Variants in FNDC1 observed in about 807,000 individuals in gnomAD.
The protein encoded by FNDC1 is fibronectin type III domain-containing protein 1.
A neutral mutation model predicts 168.0 loss-of-function variants in FNDC1; 96 were observed. The observed-to-expected ratio is 0.57, with a 90% CI of 0.48 to 0.68. FNDC1 has a LOEUF of 0.68. Among genes scored for constraint, FNDC1 ranks in the 30% least tolerant of loss-of-function variants. The pLI is 0.00. For synonymous variants in FNDC1, 1,099 were observed against 1,025.9 expected, an observed-to-expected ratio of 1.07 and a Z score of -1.36; for missense variants, 2,587 against 2,482.1, an observed-to-expected ratio of 1.04 and a Z score of -0.90.
At chr6:159,248,382 G>C (rs1201030047) in intron 15 of FNDC1, among the ~76,000 whole-genome samples, 2 of 151,526 alleles carry the variant, frequency 1.3e-5, no homozygotes, top group East Asian at 3.9e-4. Flanking sequence ...CTTGGCTCAC[G>C]GCAACCTCTG....
intron 6 of FNDC1, among the ~76,000 whole-genome samples, chr6:159,222,391 C>A (rs1253299263): frequency 1.3e-5 from 2 of 152,196 alleles, no homozygotes; most frequent in Non-Finnish European, 2.9e-5. Flanking sequence ...TGAATTGCTG[C>A]CATAGGATGA....
At chr6:159,192,621 T>G (rs1562631554) in intron 1 of FNDC1, among the ~76,000 whole-genome samples, 2 of 152,234 alleles carry the variant, frequency 1.3e-5, no homozygotes, top group Non-Finnish European at 2.9e-5. Context: ...GGATATTGAA[T>G]TTCATTCTGA....
At chr6:159,214,869 T>C (rs913104724) in intron 4 of FNDC1, 76 bp from the exon 5 acceptor site, 12 of 1,294,416 alleles carry the variant, frequency 9.3e-6, no homozygotes, top group Non-Finnish European at 1.3e-5. Flanking sequence ...GCTCAGGGTC[T>C]GAAGACCTCA....
At chr6:159,267,697 A>G in intron 21 of FNDC1, 107 bp from the exon 22 acceptor site, 1 of 1,150,834 alleles carries the variant, frequency 8.7e-7, no homozygotes, top group East Asian at 2.5e-5. Flanking sequence ...ACACAGTTTA[A>G]GTAATATGCT....
intron 7 of FNDC1, 80 bp downstream of exon 7, chr6:159,223,725 T>G: frequency 3.8e-6 from 3 of 799,114 alleles, no homozygotes; most frequent in Non-Finnish European, 6.1e-6. Context: ...TTTAATGATT[T>G]TATTTTCTGA....
At chr6:159,267,753 A>G in intron 21 of FNDC1, 51 bp from the exon 22 acceptor site, 1 of 1,606,938 alleles carries the variant, frequency 6.2e-7, no homozygotes, top group South Asian at 1.1e-5. Context: ...CTCCTAAACC[A>G]GTTGTGACTT....
chr6:159,193,136 C>A (rs1782172880), intron 1 of FNDC1, among the ~76,000 whole-genome samples: 1 of 151,880 alleles, frequency 6.6e-6, no homozygotes, highest in Non-Finnish European at 1.5e-5. Context: ...GTGTGTGTGT[C>A]CCTACATAGT....
At chr6:159,208,071 T>C (rs1032516429) in intron 4 of FNDC1, among the ~76,000 whole-genome samples, 1 of 151,926 alleles carries the variant, frequency 6.6e-6, no homozygotes, top group Non-Finnish European at 1.5e-5. Context: ...GGATCTAGAG[T>C]AGATGCTTCT....
chr6:159,200,287 A>T (rs1222048514), intron 3 of FNDC1, among the ~76,000 whole-genome samples: 1 of 152,258 alleles, frequency 6.6e-6, no homozygotes, highest in Non-Finnish European at 1.5e-5. Context: ...GTAGGTTATT[A>T]GCATTTCATC....
chr6:159,268,140 C>G (rs1777629695), intron 22 of FNDC1, among the ~76,000 whole-genome samples: 1 of 152,086 alleles, frequency 6.6e-6, no homozygotes, highest in Non-Finnish European at 1.5e-5. Context: ...TGGGGAACGG[C>G]ATGAACAAAG....
chr6:159,251,207 C>A, intron 16 of FNDC1, 95 bp from the exon 17 acceptor site: 1 of 913,452 alleles, frequency 1.1e-6, no homozygotes, highest in Non-Finnish European at 1.7e-6. Context: ...AGGAAGAGAC[C>A]GAATGGTGGG....
At position 159,251,663 on chromosome 6, in the gene FNDC1, T is replaced by C. The variant is rs1438060424; in HGVS notation, c.5065+131T>C. ...GGATGGGTTGGATGGATGAATGGGA[T>C]GATGGATAGATGTCTTCCTTCAACT... On this transcript the variant is annotated intron_variant, in intron 17 of 22. Coordinates refer to ENST00000297267, the MANE Select transcript of FNDC1 (RefSeq NM_032532.3). The C allele has an allele frequency of 5.3e-6, 4 of 749,312 alleles. No homozygotes were observed. In the African/African-American group the frequency reaches 6.9e-5, roughly 13 times the overall value. 46.4% of individuals were successfully genotyped at this position (749,312 alleles called of 1,614,324 possible).
intron 10 of FNDC1, among the ~76,000 whole-genome samples, chr6:159,230,217 A>G (rs1460765829): frequency 6.6e-6 from 1 of 152,182 alleles, no homozygotes; most frequent in Non-Finnish European, 1.5e-5. Context: ...AACAGTTACT[A>G]TTTCAGTATT....
At chr6:159,208,431 T>C (rs1264218946) in intron 4 of FNDC1, among the ~76,000 whole-genome samples, 1 of 152,206 alleles carries the variant, frequency 6.6e-6, no homozygotes, top group African/African-American at 2.4e-5. Flanking sequence ...TTGAGAGCCA[T>C]ATCCATGCAA....
intron 1 of FNDC1, among the ~76,000 whole-genome samples, chr6:159,172,367 A>G (rs1471539318): frequency 1.3e-5 from 2 of 152,250 alleles, no homozygotes; most frequent in African/African-American, 2.4e-5. Flanking sequence ...CTCAAAAATG[A>G]ACAAAGGGAA....
chr6:159,235,539 A>T (rs896829427), intron 11 of FNDC1, among the ~76,000 whole-genome samples: 5 of 152,188 alleles, frequency 3.3e-5, no homozygotes, highest in African/African-American at 1.2e-4. Flanking sequence ...TAAGTGTCTG[A>T]CCTGCGAGTA....
In FNDC1 at chr6:159,269,522, C is replaced by G. The variant is rs200538161; in HGVS notation, c.5569+1596C>G. ...TCTATCCATCCATCCATGCATCCAT[C>G]CATCCATCCATCCATCCATCCATCC... is the stretch of plus-strand genomic sequence containing the variant. On this transcript the variant is annotated intron_variant, in intron 22 of 22. Transcript: ENST00000297267. Among the ~76,000 whole-genome samples, 81 of 137,998 alleles carry G rather than the reference C, an allele frequency of 5.9e-4. No homozygotes were observed. The Middle Eastern group carries it at 0.011, about 19-fold the overall frequency. 90.5% of individuals were successfully genotyped at this position (137,998 alleles called of 152,430 possible).
Position 159,231,412 on chromosome 6 carries a change from C to T in FNDC1, c.1370-470C>T, listed in dbSNP as rs181178027. ...AAAAAAAAATTACAAATTGGTTGCT[C>T]GTCACACATTCCCCATCACTTTGAG... On this transcript the variant is annotated intron_variant, in intron 10 of 22. Coordinates refer to ENST00000297267, the MANE Select transcript of FNDC1 (RefSeq NM_032532.3). Among the ~76,000 whole-genome samples, 423 of 152,142 alleles carry T rather than the reference C, an allele frequency of 2.8e-3. 153 individuals carry two copies. The highest frequency in any genetic ancestry group is 5.1e-3 in the Non-Finnish European group (344 of 67,980).
chr6:159,183,596 G>A (rs1429374429), intron 1 of FNDC1, among the ~76,000 whole-genome samples: 3 of 152,188 alleles, frequency 2.0e-5, no homozygotes, highest in African/African-American at 4.8e-5. Context: ...GTAGAGAAGA[G>A]GGAAAGCCAG....
Sources: gnomAD v4.1 joint callset for allele counts (sites outside exome capture counted in the v4.1 genomes callset) on GRCh38, gnomAD v4.1.1 for gene constraint, MANE v1.5 for transcripts, NCBI Gene and HGNC (gene_info 2026-07-23, HGNC 2026-07-21) for gene names.